The following GCNT1 variants were observed in gnomAD, a reference collection of about 807,000 sequenced individuals.
GCNT1 encodes glucosaminyl (N-acetyl) transferase 1, also known as beta-1,3-galactosyl-O-glycosyl-glycoprotein beta-1,6-N-acetylglucosaminyltransferase.
GCNT1 carries 16 observed loss-of-function variants against 26.2 expected under a neutral mutation model. The observed-to-expected ratio is 0.61, with a 90% CI of 0.41 to 0.93. GCNT1 has a LOEUF of 0.93. Ranked by LOEUF, GCNT1 falls within the 40% of genes least tolerant of loss-of-function variation. The pLI is 0.00. For missense variants in GCNT1, 477 were observed against 526.7 expected, an observed-to-expected ratio of 0.91 and a Z score of 0.92; for synonymous variants, 183 against 190.8, an observed-to-expected ratio of 0.96 and a Z score of 0.34.
intron 1 of GCNT1, among the ~76,000 whole-genome samples, chr9:76,431,745 A>G (rs1359966220): frequency 1.3e-5 from 2 of 152,186 alleles, no homozygotes; most frequent in African/African-American, 4.8e-5. Flanking sequence ...TCCAGTGACC[A>G]GTCCCCTAGC....
chr9:76,407,423 A>G, the GCNT1 span, among the ~76,000 whole-genome samples: 1 of 151,950 alleles, frequency 6.6e-6, no homozygotes, highest in African/African-American at 2.4e-5. Flanking sequence ...CACTATATTT[A>G]TTTGGCTCTA....
intron 1 of GCNT1, among the ~76,000 whole-genome samples, chr9:76,436,598 CAAAAAAAAA>C (rs1178497535): frequency 9.7e-5 from 4 of 41,120 alleles, no homozygotes; most frequent in South Asian, 2.0e-3. Flanking sequence ...GATTCCATCT[CAAAAAAAAA>C]AAAAAAAAAA....
chr9:76,429,715 CTTT>C (rs59977325), intron 1 of GCNT1, among the ~76,000 whole-genome samples: 12 of 107,082 alleles, frequency 1.1e-4, no homozygotes, highest in East Asian at 2.4e-4. Flanking sequence ...TGTTTTCTTT[CTTT>C]TTTTTTTTTT....
At position 76,479,117 on chromosome 9, in the gene GCNT1, T is replaced by C. The variant is rs552104178; in HGVS notation, c.-290+18940T>C. Among the ~76,000 whole-genome samples the C allele has an allele frequency of 6.6e-5, 10 of 152,308 alleles. No individual in the cohort carries two copies. The South Asian group carries it at 2.1e-3, about 32-fold the overall frequency. ...GTGAGAACATGCGATGTTTGGTTTT[T>C]TGTCCTTGCGATAGTTTGCTGAGAA... On this transcript the variant is annotated intron_variant, in intron 2 of 3. Coordinates refer to ENST00000376730, the MANE Select transcript of GCNT1 (RefSeq NM_001490.5).
At chr9:76,444,006 A>T in intron 1 of GCNT1, among the ~76,000 whole-genome samples, 1 of 151,714 alleles carries the variant, frequency 6.6e-6, no homozygotes, top group Non-Finnish European at 1.5e-5. Context: ...AAAAAGAGCC[A>T]GAAGCATTTG....
At chr9:76,483,694 A>G (rs1333413729) in intron 2 of GCNT1, among the ~76,000 whole-genome samples, 3 of 152,188 alleles carry the variant, frequency 2.0e-5, no homozygotes, top group African/African-American at 4.8e-5. Context: ...AAGTGCTACG[A>G]TAACAGGCAC....
At position 76,453,523 on chromosome 9, in the gene GCNT1, TGGG is replaced by T. The variant is rs150462904; in HGVS notation, c.-290+11211_-290+11213del. 6.7e-3 allele frequency among the ~76,000 whole-genome samples: 1,019 copies of T among 152,184 alleles called. 10 individuals carry two copies. Among genetic ancestry groups the T allele is most frequent in the African/African-American group, 0.023 (974 of 41,536 alleles). On this transcript the variant is annotated intron_variant, in intron 1 of 2. Transcript: ENST00000442371. ...TAGTGCCATAATAGCAGGTACTCAG[TGGG>T]GGAAGAGGAGGGCATCTGATAGAGT...
chr9:76,424,978 A>C (rs1314795612), intron 1 of GCNT1, among the ~76,000 whole-genome samples: 1 of 151,932 alleles, frequency 6.6e-6, no homozygotes, highest in Non-Finnish European at 1.5e-5. Context: ...TTTCTACTAA[A>C]AATACAAAAA....
At chr9:76,491,657 A>G (rs1824740499) in intron 2 of GCNT1, among the ~76,000 whole-genome samples, 1 of 152,172 alleles carries the variant, frequency 6.6e-6, no homozygotes, top group South Asian at 2.1e-4. Context: ...TTCTCCACAA[A>G]TGAACATCCA....
intron 2 of GCNT1, among the ~76,000 whole-genome samples, chr9:76,491,039 A>G (rs1587450368): frequency 1.3e-5 from 2 of 152,198 alleles, no homozygotes; most frequent in East Asian, 3.8e-4. Context: ...TAGGTTTTTA[A>G]TTTACCCTGG....
chr9:76,439,053 A>C (rs1367237626), upstream of GCNT1, among the ~76,000 whole-genome samples: 1 of 152,148 alleles, frequency 6.6e-6, no homozygotes. Flanking sequence ...ACCATGATAA[A>C]ACATGAAAGT....
In GCNT1 at chr9:76,501,003, G is replaced by C. The variant is rs191825699; in HGVS notation, c.-202G>C. 2.0e-5 allele frequency: 3 copies of C among 152,232 alleles called. No homozygotes were observed. The highest frequency in any genetic ancestry group is 6.5e-5 in the Admixed American group (1 of 15,286). 9.4% of individuals were successfully genotyped at this position (152,232 alleles called of 1,614,324 possible). A position where few individuals can be genotyped will look rare whatever the true frequency, so the allele number is the denominator to read the frequency against. On this transcript the variant is annotated 5_prime_UTR_variant, in exon 3 of 4. Transcript: ENST00000376730. ...GACAGCATGTGAAGTGCTCAGAATGGGGCAGGATGTCACCTGGAATCAGCA... is the reference window on the plus strand; with the variant it reads ...GACAGCATGTGAAGTGCTCAGAATGCGGCAGGATGTCACCTGGAATCAGCA...
At chr9:76,493,599 G>A (rs992141124) in intron 2 of GCNT1, among the ~76,000 whole-genome samples, 2 of 152,186 alleles carry the variant, frequency 1.3e-5, no homozygotes, top group Non-Finnish European at 2.9e-5. Flanking sequence ...TAGCCTGGGG[G>A]TTTTTGTGGT....
In GCNT1 at chr9:76,423,601, A is replaced by G. The variant is rs185980515; in HGVS notation, n.38+3714A>G. On this transcript the variant is annotated intron_variant and non_coding_transcript_variant, in intron 1 of 3. Coordinates refer to the GCNT1 transcript ENST00000488136. Reference sequence around the variant, plus strand: ...AGTTACCAGTTTTGGCAAGCTTTTAATGAACAAAAGAATCACTTAATTTGT... The same window carrying G: ...AGTTACCAGTTTTGGCAAGCTTTTAGTGAACAAAAGAATCACTTAATTTGT... 1.8e-4 allele frequency among the ~76,000 whole-genome samples: 27 copies of G among 152,386 alleles called. No homozygotes were observed. The East Asian group carries it at 4.8e-3, about 27-fold the overall frequency.
At chr9:76,405,643 G>A in the GCNT1 span, among the ~76,000 whole-genome samples, 9 of 152,304 alleles carry the variant, frequency 5.9e-5, no homozygotes, top group African/African-American at 2.2e-4. Flanking sequence ...AATTATAAAA[G>A]ATGTAGCATT....
At position 76,503,665 on chromosome 9, in the gene GCNT1, C is replaced by CGG; in HGVS notation, c.1284_1285insGG (p.Ter429GlyfsTer33). On this transcript the variant is annotated frameshift_variant, in exon 4 of 4. Transcript: ENST00000376730. LOFTEE classifies it high-confidence loss of function. Reference sequence around the variant, plus strand: ...ACAAAGCTTTGGAGACATTAAAACACTGACCATTACGGGCAATTTTATGAA... The same window carrying CGG: ...ACAAAGCTTTGGAGACATTAAAACACGGTGACCATTACGGGCAATTTTATGAA... 1 of 1,608,630 alleles carries CGG rather than the reference C, an allele frequency of 6.2e-7. No homozygotes were observed.
rs1825195183 is a variant in GCNT1 at position 76,504,866 on chromosome 9, C to A, written c.*1198C>A. On this transcript the variant is annotated 3_prime_UTR_variant, in exon 4 of 4. Coordinates refer to ENST00000376730, the MANE Select transcript of GCNT1 (RefSeq NM_001490.5). ...AGGAAAGAAGTGTGCAGTCATTCCA[C>A]ATGGCCTGTTGGAAGGCCTGGGGAG... 2.4e-6 allele frequency: 1 copy of A among 413,426 alleles called. No homozygotes were observed. Among genetic ancestry groups the A allele is most frequent in the African/African-American group, 2.1e-5 (1 of 48,744 alleles). The allele number at this position is 413,426 out of a possible 1,614,324, so 25.6% of individuals were successfully genotyped here.
chr9:76,431,428 T>C (rs541588019), intron 1 of GCNT1, among the ~76,000 whole-genome samples: 1 of 152,330 alleles, frequency 6.6e-6, no homozygotes, highest in African/African-American at 2.4e-5. Context: ...GCTACACTTA[T>C]GATTATAATT....
intron 2 of GCNT1, among the ~76,000 whole-genome samples, chr9:76,500,048 G>A (rs1273469806): frequency 6.6e-6 from 1 of 151,874 alleles, no homozygotes; most frequent in Non-Finnish European, 1.5e-5. Context: ...CCAATGCCTG[G>A]GCTTCCTTGG....
Sources: allele counts gnomAD v4.1 joint callset (sites outside exome capture counted in the v4.1 genomes callset), GRCh38; gene constraint gnomAD v4.1.1; transcripts MANE v1.5; gene names NCBI Gene and HGNC (gene_info 2026-07-23, HGNC 2026-07-21).